Variants in MFN2 observed in about 807,000 individuals in gnomAD.
MFN2 encodes the protein mitofusin-2.
In MFN2, 43 loss-of-function variants were observed where a neutral mutation model predicts 87.5. That is an observed-to-expected ratio of 0.49 (90% CI 0.38 to 0.63). The LOEUF is 0.63. MFN2 is among the 30% of genes least tolerant of loss of function. The pLI, the probability that MFN2 is intolerant of heterozygous loss-of-function variation, is 0.00. For synonymous variants in MFN2, 337 were observed against 359.9 expected (o/e 0.94, Z 0.72); for missense variants, 743 against 972.8 (o/e 0.76, Z 3.14).
At chr1:12,002,232 C>T in intron 11 of MFN2, 129 bp downstream of exon 11, 3 of 1,471,522 alleles carry the variant, frequency 2.0e-6, no homozygotes, top group Non-Finnish European at 2.8e-6. Context: ...AGAGCCCTTT[C>T]CCTGGCCACC....
At chr1:11,992,871 A>C (rs1024163970) in intron 4 of MFN2, among the ~76,000 whole-genome samples, 181 bp downstream of exon 4, 13 of 151,410 alleles carry the variant, frequency 8.6e-5, no homozygotes, top group African/African-American at 3.2e-4. Flanking sequence ...CCCAGGCTGG[A>C]AGCTCATTAC....
At chr1:11,984,876 A>G (rs950632739) in intron 2 of MFN2, among the ~76,000 whole-genome samples, 36 of 152,208 alleles carry the variant, frequency 2.4e-4, no homozygotes, top group Non-Finnish European at 4.4e-4. Flanking sequence ...GCGTCTCCTT[A>G]TCTGTATCCT....
intron 2 of MFN2, among the ~76,000 whole-genome samples, chr1:11,987,552 C>T (rs986426444): frequency 6.7e-6 from 1 of 150,136 alleles, no homozygotes; most frequent in Non-Finnish European, 1.5e-5. Flanking sequence ...ATAGCTTGAA[C>T]TCGGGAGGTG....
chr1:11,994,169 T>C (rs544496460), intron 4 of MFN2, among the ~76,000 whole-genome samples: 4 of 152,318 alleles, frequency 2.6e-5, no homozygotes, highest in Admixed American at 6.5e-5. Context: ...GAACCAATGA[T>C]CCTTTTTATT....
At chr1:12,006,017 G>A (rs910752769) in intron 15 of MFN2, 86 bp downstream of exon 15, 1 of 1,310,334 alleles carries the variant, frequency 7.6e-7, no homozygotes, top group Admixed American at 1.8e-5. Context: ...TAAAACGGGG[G>A]TTCCCTAAGG....
chr1:11,985,455 CTTTTTTTTTTTTTT>C (rs774330626), intron 2 of MFN2, among the ~76,000 whole-genome samples: 2 of 119,728 alleles, frequency 1.7e-5, no homozygotes, highest in African/African-American at 3.8e-5. Context: ...TCCTTGATCC[CTTTTTTTTTTTTTT>C]TTTTTTTTTT....
In MFN2 at chr1:12,009,642, G is replaced by A. The variant is rs375937289; in HGVS notation, c.2120G>A (p.Arg707Gln). The A allele has an allele frequency of 3.5e-5, 56 of 1,614,100 alleles. No individual in the cohort carries two copies. Among genetic ancestry groups the A allele is most frequent in the South Asian group, 4.4e-5 (4 of 91,088 alleles). ...CTGTGTCAGCAAGTTGACGTCACCC[G>A]GGAGAACCTGGAGCAGGAAATTGCC... ...AHLCQQVDVTRENLEQEIAAM... is the reference protein window; with the variant it reads ...AHLCQQVDVTQENLEQEIAAM... Residue 707 changes from arginine to glutamine, a missense_variant, in exon 18 of 19, where the codon CGG (arginine) becomes CAG (glutamine). Arg to Gln is a conservative substitution (Grantham distance 43, BLOSUM62 1). This residue lies in a region of MFN2 where 571 missense variants were observed against 670.7 expected (regional missense o/e 0.85). Coordinates refer to ENST00000235329, the MANE Select transcript of MFN2 (RefSeq NM_014874.4).
At chr1:11,983,202 A>G (rs1290040461) in intron 2 of MFN2, among the ~76,000 whole-genome samples, 1 of 152,088 alleles carries the variant, frequency 6.6e-6, no homozygotes, top group Non-Finnish European at 1.5e-5. Flanking sequence ...CCTCCCGAGT[A>G]GCTGTACTAC....
In MFN2 at chr1:11,992,697, C is replaced by G. The variant is rs778692193; in HGVS notation, c.311+7C>G. The G allele has an allele frequency of 3.1e-6, 5 of 1,614,004 alleles. No homozygotes were observed. Among genetic ancestry groups the G allele is most frequent in the South Asian group, 1.1e-5 (1 of 91,072 alleles). On this transcript the variant is annotated splice_region_variant and intron_variant, in intron 4 of 18. Transcript: ENST00000235329. Reference sequence around the variant, plus strand: ...AAGTGGCTTTTTTTGGCCGGTAAGTCCTTGAGGCACCCACCCTTTCTTTCT... The same window carrying G: ...AAGTGGCTTTTTTTGGCCGGTAAGTGCTTGAGGCACCCACCCTTTCTTTCT...
chr1:12,010,072 T>G (rs1639623663), intron 18 of MFN2, among the ~76,000 whole-genome samples: 1 of 152,018 alleles, frequency 6.6e-6, no homozygotes, highest in Non-Finnish European at 1.5e-5. Context: ...GAGAATGGCT[T>G]GAACCCAGAA....
chr1:11,991,134 T>C (rs1411013968), intron 3 of MFN2, among the ~76,000 whole-genome samples: 1 of 151,862 alleles, frequency 6.6e-6, no homozygotes, highest in Non-Finnish European at 1.5e-5. Flanking sequence ...CTGTATGGAG[T>C]AATTTGTTGG....
chr1:11,985,787 C>T (rs1488918722), intron 2 of MFN2, among the ~76,000 whole-genome samples: 1 of 152,074 alleles, frequency 6.6e-6, no homozygotes, highest in Non-Finnish European at 1.5e-5. Flanking sequence ...TTTTCTATTC[C>T]TTTTGGATGG....
Position 12,003,247 on chromosome 1 carries a change from G to A in MFN2, c.1161-745G>A, listed in dbSNP as rs1038634248. ...TAGTCAGTTTTCTTGATGCTCTTCA[G>A]AACAGCCGTACCCATTCATTGCATG... is the stretch of plus-strand genomic sequence containing the variant. On this transcript the variant is annotated intron_variant, in intron 11 of 18. Coordinates refer to ENST00000235329, the MANE Select transcript of MFN2 (RefSeq NM_014874.4). The surrounding 1 kb of genome is among the most constrained non-coding windows in gnomAD (Gnocchi z 4.1). Among the ~76,000 whole-genome samples the A allele has an allele frequency of 2.6e-5, 4 of 152,126 alleles. No individual in the cohort carries two copies. Among genetic ancestry groups the A allele is most frequent in the African/African-American group, 4.8e-5 (2 of 41,422 alleles).
intron 1 of MFN2, 24 bp downstream of exon 1, chr1:11,980,508 T>A: frequency 2.5e-6 from 1 of 398,062 alleles, no homozygotes; most frequent in Non-Finnish European, 4.4e-6. Flanking sequence ...CAAGCCGGGG[T>A]GGCGGGGACT....
In MFN2 at chr1:11,997,038, CAA is replaced by C. The variant is rs35141271; in HGVS notation, c.475-241_475-240del. 0.026 allele frequency among the ~76,000 whole-genome samples: 2,592 copies of C among 99,806 alleles called. 49 individuals carry two copies. The highest frequency in any genetic ancestry group is 0.085 in the African/African-American group (2,301 of 27,164). 65.5% of individuals were successfully genotyped at this position (99,806 alleles called of 152,430 possible). ...TGGGTGACAGAGCGAGACTCCGTCT[CAA>C]AAAAAAAAAAAAAAAAAGAATCAAT... is the stretch of plus-strand genomic sequence containing the variant. On this transcript the variant is annotated intron_variant, in intron 5 of 18. Transcript: ENST00000235329.
rs1453556926 is a variant in MFN2 at position 12,004,375 on chromosome 1, T to C, written c.1288-134T>C. 3 of 958,592 alleles carry C rather than the reference T, an allele frequency of 3.1e-6. No homozygotes were observed. Among genetic ancestry groups the C allele is most frequent in the Non-Finnish European group, 5.1e-6 (3 of 587,186 alleles). The allele number at this position is 958,592 out of a possible 1,614,324, so 59.4% of individuals were successfully genotyped here. ...CCAGACCCTCTCACTTCAGAGGCTT[T>C]AATTCCATAGAGGAGCTGAGGAGGC... On this transcript the variant is annotated intron_variant, in intron 12 of 18. Transcript: ENST00000235329. This position sits in a 1 kb window ranked among gnomAD's most constrained non-coding sequence, Gnocchi z 4.2.
In MFN2 at chr1:12,011,413, G is replaced by T. The variant is rs765282658; in HGVS notation, c.2205-83G>T. The T allele has an allele frequency of 2.2e-6, 3 of 1,371,720 alleles. No homozygotes were observed. The African/African-American group carries it at 4.3e-5, about 20-fold the overall frequency. The allele number at this position is 1,371,720 out of a possible 1,614,324, so 85.0% of individuals were successfully genotyped here. A position where few individuals can be genotyped will look rare whatever the true frequency, so the allele number is the denominator to read the frequency against. The stretch of plus-strand genomic sequence containing the variant: ...GATGATGTAAGGGTGTGTGTCAAGC[G>T]TCCTTAGGATGGTGCCTGGCGGGTA... On this transcript the variant is annotated intron_variant, in intron 18 of 18. Coordinates refer to ENST00000235329, the MANE Select transcript of MFN2 (RefSeq NM_014874.4).
rs534521928 is a variant in MFN2 at position 11,998,622 on chromosome 1, C to T, written c.600-148C>T. 1.0e-5 allele frequency: 8 copies of T among 774,350 alleles called. No homozygotes were observed. The East Asian group carries it at 1.2e-4, about 12-fold the overall frequency. The allele number at this position is 774,350 out of a possible 1,614,324, so 48.0% of individuals were successfully genotyped here. A position where few individuals can be genotyped will look rare whatever the true frequency, so the allele number is the denominator to read the frequency against. The stretch of plus-strand genomic sequence containing the variant: ...AGGATAGGAAATGGGAAGTAAAATC[C>T]GTTAATGAGGGCCAGGCCTGATTTC... On this transcript the variant is annotated intron_variant, in intron 6 of 18. Transcript: ENST00000235329.
Position 12,009,634 on chromosome 1 carries a change from C to T in MFN2, c.2112C>T (p.Asp704=), listed in dbSNP as rs374371748. Reference sequence around the variant, plus strand: ...TTGCTCATCTGTGTCAGCAAGTTGACGTCACCCGGGAGAACCTGGAGCAGG... The same window carrying T: ...TTGCTCATCTGTGTCAGCAAGTTGATGTCACCCGGGAGAACCTGGAGCAGG... The part of the protein sequence containing the change: ...GTFAHLCQQV[D]VTRENLEQEI... The change falls in exon 18 of 19, where the codon GAC becomes GAT. Residue 704 remains aspartate, a synonymous_variant. Coordinates refer to ENST00000235329, the MANE Select transcript of MFN2 (RefSeq NM_014874.4). The T allele has an allele frequency of 3.2e-5, 52 of 1,614,204 alleles. No individual in the cohort carries two copies. Among genetic ancestry groups the T allele is most frequent in the African/African-American group, 3.2e-4 (24 of 75,040 alleles).
Sources: allele counts gnomAD v4.1 joint callset (sites outside exome capture counted in the v4.1 genomes callset), GRCh38; gene constraint gnomAD v4.1.1; regional missense constraint gnomAD v4.1.1; non-coding constraint Gnocchi (gnomAD v3.1); transcripts MANE v1.5; gene names NCBI Gene and HGNC (gene_info 2026-07-23, HGNC 2026-07-21).